Variants in ABL2 observed in about 807,000 individuals in gnomAD.
ABL2 encodes the protein ABL proto-oncogene 2, non-receptor tyrosine kinase.
ABL2 carries 49 observed loss-of-function variants against 107.7 expected under a neutral mutation model. The ratio of observed to expected loss-of-function variants is 0.45; its 90% CI spans 0.36 to 0.58. ABL2 has a LOEUF of 0.58. ABL2 is among the 20% of genes least tolerant of loss of function. The probability of loss-of-function intolerance (pLI) is 0.00; values close to 1 mark genes in which losing one functional copy is unlikely to be tolerated. For missense variants in ABL2, 1,245 were observed against 1,457.0 expected, an observed-to-expected ratio of 0.85 and a Z score of 2.37; for synonymous variants, 549 against 548.6, an observed-to-expected ratio of 1.00 and a Z score of -0.01.
chr1:179,186,647 A>T (rs1660699629), intron 1 of ABL2, among the ~76,000 whole-genome samples: 1 of 151,636 alleles, frequency 6.6e-6, no homozygotes, highest in Non-Finnish European at 1.5e-5. Context: ...TTCTTTCTTA[A>T]ACCTGACTGG....
chr1:179,117,262 C>T lies in ABL2; in HGVS notation c.1408+70G>A, dbSNP rs770346213. 3 of 1,453,442 alleles carry T rather than the reference C, an allele frequency of 2.1e-6. No individual in the cohort carries two copies. In the African/African-American group the frequency reaches 4.2e-5, roughly 21 times the overall value. 90.0% of individuals were successfully genotyped at this position (1,453,442 alleles called of 1,614,324 possible). On this transcript the variant is annotated intron_variant, in intron 8 of 11. Coordinates refer to ENST00000502732, the MANE Select transcript of ABL2 (RefSeq NM_007314.4). ...AGGATACTGAACATCGTAAGAGAAG[C>T]TCTAAAGAATCAAGGCATTTATAAA... is the stretch of plus-strand genomic sequence containing the variant.
chr1:179,197,818 G>C (rs1661409406), intron 1 of ABL2, among the ~76,000 whole-genome samples: 1 of 150,418 alleles, frequency 6.6e-6, no homozygotes, highest in African/African-American at 2.4e-5. Context: ...GCAGTGAGCT[G>C]AGATCACGCC....
intron 1 of ABL2, among the ~76,000 whole-genome samples, chr1:179,197,896 G>A (rs1661415744): frequency 6.7e-6 from 1 of 149,846 alleles, no homozygotes; most frequent in African/African-American, 2.5e-5. Context: ...GTTTTCTGCT[G>A]GGCACAGTGG....
rs111993944 is a variant in ABL2 at position 179,226,733 on chromosome 1, A to C, written c.157+2508T>G. Among the ~76,000 whole-genome samples the C allele has an allele frequency of 3.0e-3, 453 of 152,282 alleles. 1 individual carries two copies. Among genetic ancestry groups the C allele is most frequent in the African/African-American group, 0.011 (438 of 41,552 alleles). On this transcript the variant is annotated intron_variant, in intron 1 of 11. Transcript: ENST00000502732. ...GGTACTATTATTATCACCACTTTAC[A>C]AATGAAGAGTCCAAGACACAAAAAG...
intron 1 of ABL2, among the ~76,000 whole-genome samples, chr1:179,158,220 G>A (rs1325649675): frequency 1.3e-5 from 2 of 152,126 alleles, no homozygotes; most frequent in East Asian, 1.9e-4. Context: ...TCCACAACAG[G>A]AAAAATTAAA....
At chr1:179,136,725 TAAATAAATAAATAAATAA>T (rs1416755084) in intron 1 of ABL2, among the ~76,000 whole-genome samples, 16 of 147,016 alleles carry the variant, frequency 1.1e-4, no homozygotes, top group African/African-American at 3.5e-4. Flanking sequence ...AATAAATAAA[TAAATAAATAAATAAATAA>T]AAATAAAAAT....
chr1:179,175,211 G>A (rs530750865), intron 1 of ABL2, among the ~76,000 whole-genome samples: 2 of 152,026 alleles, frequency 1.3e-5, no homozygotes, highest in African/African-American at 4.8e-5. Context: ...TTTTTATTTC[G>A]AAACCAGGAG....
chr1:179,145,576 G>A (rs148053766), intron 1 of ABL2, among the ~76,000 whole-genome samples: 1 of 152,252 alleles, frequency 6.6e-6, no homozygotes, highest in African/African-American at 2.4e-5. Flanking sequence ...AGGTGGAAAA[G>A]TGCATTACTT....
chr1:179,104,655 T>C lies in ABL2; in HGVS notation c.*3063A>G. 4.8e-6 allele frequency: 1 copy of C among 207,182 alleles called. No homozygotes were observed. The highest frequency in any genetic ancestry group is 9.8e-6 in the Non-Finnish European group (1 of 101,706). 12.8% of individuals were successfully genotyped at this position (207,182 alleles called of 1,614,324 possible). A position where few individuals can be genotyped will look rare whatever the true frequency, so the allele number is the denominator to read the frequency against. On this transcript the variant is annotated 3_prime_UTR_variant, in exon 12 of 12. Coordinates refer to ENST00000502732, the MANE Select transcript of ABL2 (RefSeq NM_007314.4). ...TTTTACACAAAGCCTTTTAAGAAAATACTTTAGGTAAAGCACAATCAAGAT... is the reference window on the plus strand; with the variant it reads ...TTTTACACAAAGCCTTTTAAGAAAACACTTTAGGTAAAGCACAATCAAGAT...
intron 1 of ABL2, among the ~76,000 whole-genome samples, chr1:179,156,139 T>C (rs117893349): frequency 2.0e-5 from 3 of 152,360 alleles, no homozygotes; most frequent in East Asian, 1.9e-4. Context: ...CAGGTTCTTC[T>C]TGTTTCAGAC....
intron 1 of ABL2, among the ~76,000 whole-genome samples, chr1:179,196,014 G>A (rs572703452): frequency 6.6e-6 from 1 of 152,360 alleles, no homozygotes; most frequent in South Asian, 2.1e-4. Flanking sequence ...AGTATGAAAA[G>A]AGCAATGGCT....
Position 179,104,531 on chromosome 1 carries a change from A to T in ABL2, c.*3187T>A. 1 of 209,448 alleles carries T rather than the reference A, an allele frequency of 4.8e-6. No homozygotes were observed. Among genetic ancestry groups the T allele is most frequent in the East Asian group, 7.3e-5 (1 of 13,760 alleles). 13.0% of individuals were successfully genotyped at this position (209,448 alleles called of 1,614,324 possible). ...ATAATGACCTCTATGTACAGAGGTC[A>T]TCTAGAAAAACACTGAATGAATTTC... On this transcript the variant is annotated 3_prime_UTR_variant, in exon 12 of 12. Transcript: ENST00000502732.
intron 1 of ABL2, among the ~76,000 whole-genome samples, chr1:179,206,517 A>G (rs1041032078): frequency 4.0e-5 from 6 of 150,136 alleles, no homozygotes; most frequent in African/African-American, 1.5e-4. Flanking sequence ...AAAAAAAAAA[A>G]GCAAGTTCTT....
intron 1 of ABL2, among the ~76,000 whole-genome samples, chr1:179,170,557 C>T (rs191984291): frequency 1.4e-3 from 220 of 152,192 alleles, no homozygotes; most frequent in Non-Finnish European, 7.6e-4. Flanking sequence ...GCTCGGATTA[C>T]AGGCCCACGT....
Position 179,107,529 on chromosome 1 carries a change from ATACT to A in ABL2, c.*185_*188del. Reference sequence around the variant, plus strand: ...TGCCCCCACTTAATTTACCTCTCCTATACTTATGTGGTTTGCTTCTTATTTTTGA... The same window carrying A: ...TGCCCCCACTTAATTTACCTCTCCTATATGTGGTTTGCTTCTTATTTTTGA... On this transcript the variant is annotated 3_prime_UTR_variant, in exon 12 of 12. Coordinates refer to ENST00000502732, the MANE Select transcript of ABL2 (RefSeq NM_007314.4). 8.3e-7 allele frequency: 1 copy of A among 1,204,422 alleles called. No individual in the cohort carries two copies. The highest frequency in any genetic ancestry group is 1.1e-6 in the Non-Finnish European group (1 of 897,326). The allele number at this position is 1,204,422 out of a possible 1,614,324, so 74.6% of individuals were successfully genotyped here.
At chr1:179,190,071 C>T (rs997022299) in intron 1 of ABL2, among the ~76,000 whole-genome samples, 4 of 152,076 alleles carry the variant, frequency 2.6e-5, no homozygotes, top group African/African-American at 9.7e-5. Flanking sequence ...CCCACCTCGG[C>T]CTCCCAAAGT....
At chr1:179,111,672 T>C (rs1008598888) in intron 10 of ABL2, among the ~76,000 whole-genome samples, 33 of 152,188 alleles carry the variant, frequency 2.2e-4, no homozygotes, top group African/African-American at 7.2e-4. Flanking sequence ...TGATGAGTAA[T>C]GTTAAACATG....
At chr1:179,201,756 A>C (rs1383379344) in intron 1 of ABL2, 1 of 809,624 alleles carries the variant, frequency 1.2e-6, no homozygotes, top group East Asian at 3.5e-5. Context: ...TGACCTTCCC[A>C]CCAATAGGGA....
At chr1:179,226,881 C>A (rs996516321) in intron 1 of ABL2, among the ~76,000 whole-genome samples, 2 of 152,252 alleles carry the variant, frequency 1.3e-5, no homozygotes, top group South Asian at 4.1e-4. Flanking sequence ...CTTCTTTCAT[C>A]CTCTATCAAA....
Sources: allele counts gnomAD v4.1 joint callset (sites outside exome capture counted in the v4.1 genomes callset), GRCh38; gene constraint gnomAD v4.1.1; transcripts MANE v1.5; gene names NCBI Gene and HGNC (gene_info 2026-07-23, HGNC 2026-07-21).